Variants in EMC3 observed in about 807,000 individuals in gnomAD.
EMC3 encodes the protein ER membrane protein complex subunit 3.
In EMC3, 13 loss-of-function variants were observed where a neutral mutation model predicts 36.6. The ratio of observed to expected loss-of-function variants is 0.35; its 90% confidence interval spans 0.23 to 0.56. The LOEUF (loss-of-function observed/expected upper bound fraction) is 0.56. Ranked by LOEUF, EMC3 falls within the 20% of genes least tolerant of loss-of-function variation. EMC3 has a pLI of 0.84. For synonymous variants in EMC3, 120 were observed against 111.9 expected, an observed-to-expected ratio of 1.07 and a Z score of -0.46; for missense variants, 220 against 324.5, an observed-to-expected ratio of 0.68 and a Z score of 2.47.
At chr3:9,981,767 G>A (rs1300814351) in intron 1 of EMC3, 1 of 443,352 alleles carries the variant, frequency 2.3e-6, no homozygotes, top group Non-Finnish European at 4.5e-6. Context: ...AAACTTTAAA[G>A]TCAGTACTTC....
chr3:9,966,874 A>G (rs1005696029), intron 7 of EMC3, among the ~76,000 whole-genome samples: 1 of 152,168 alleles, frequency 6.6e-6, no homozygotes, highest in African/African-American at 2.4e-5. Flanking sequence ...GCGCCCAGCC[A>G]AATTTTTATT....
At chr3:9,994,857 C>T (rs2086103988) in intron 1 of EMC3, among the ~76,000 whole-genome samples, 1 of 152,098 alleles carries the variant, frequency 6.6e-6, no homozygotes, top group Non-Finnish European at 1.5e-5. Flanking sequence ...CAGGCATGAG[C>T]CACCGTGCCT....
chr3:9,969,753 A>G lies in EMC3; in HGVS notation c.623T>C (p.Met208Thr). The G allele has an allele frequency of 6.2e-7, 1 of 1,614,024 alleles. No individual in the cohort carries two copies. ...MMQEQMTGAA[M>T]AMPADTNKAF... ...TTTGTTTGTGTCTGCGGGCATGGCC[A>G]TGGCTGCTCCCGTCATCTGCTCCTG... is the stretch of plus-strand genomic sequence containing the variant. The change falls in exon 7 of 8, where the codon ATG (methionine) becomes ACG (threonine). Residue 208 changes from methionine (M) to threonine (T), a missense_variant. Met to Thr is a moderately conservative substitution (Grantham distance 81, BLOSUM62 -1). This residue lies in a region of EMC3 where 56 missense variants were observed against 117.0 expected (regional missense o/e 0.48). Transcript: ENST00000245046.
rs61596273 is a variant in EMC3 at position 9,963,477 on chromosome 3, A to ATATATTTTTTT, written c.*591_*592insAAAAAAATATA. On this transcript the variant is annotated 3_prime_UTR_variant, in exon 8 of 8. Coordinates refer to ENST00000245046, the MANE Select transcript of EMC3 (RefSeq NM_001394674.1). ...TAGATATATATATATATATATATAT[A>ATATATTTTTTT]TTTTTTTTTTTTTTTCAGATGGAGT... 12 of 88,908 alleles carry ATATATTTTTTT rather than the reference A, an allele frequency of 1.3e-4. No homozygotes were observed. The highest frequency in any genetic ancestry group is 1.9e-4 in the Non-Finnish European group (9 of 46,258). 5.5% of individuals were successfully genotyped at this position (88,908 alleles called of 1,614,324 possible).
rs2086107173 is a variant in EMC3, at chr3:9,995,098, T to G, written c.-241-8196A>C. On this transcript the variant is annotated intron_variant, in intron 1 of 8. Coordinates refer to the EMC3 transcript ENST00000470827. ...TGCAGCTGACATGAGGTAGCTGTTG[T>G]AATTGAGAATTCTGTTATGACTTAT... is the stretch of plus-strand genomic sequence containing the variant. Among the ~76,000 whole-genome samples the G allele has an allele frequency of 8.0e-5, 12 of 150,622 alleles. No homozygotes were observed. In the South Asian group the frequency reaches 2.5e-3, roughly 32 times the overall value.
In EMC3 at chr3:9,964,112, A is replaced by C. The variant is rs1485541088; in HGVS notation, c.743T>G (p.Phe248Cys). 6.2e-7 allele frequency: 1 copy of C among 1,614,196 alleles called. No individual in the cohort carries two copies. The highest frequency in any genetic ancestry group is 1.7e-5 in the Admixed American group (1 of 60,020). The change falls in exon 8 of 8, where the codon TTC (phenylalanine) becomes TGC (cysteine). Residue 248 changes from phenylalanine to cysteine, a missense_variant. Physicochemically the swap from Phe to Cys is radical, Grantham distance 205. Around this residue, in one of 3 missense-constraint regions of EMC3, gnomAD observed 37 missense variants for 32.9 expected, o/e 1.13. Transcript: ENST00000245046. ...EEELMAKDLH[F>C]EGMFKKELQT... The stretch of plus-strand genomic sequence containing the variant: ...TAATTCCTTTTTGAACATGCCTTCG[A>C]AGTGGAGGTCTTTGGCCATGAGCTC...
intron 1 of EMC3, chr3:10,007,438 G>A (rs761582258): frequency 2.9e-6 from 4 of 1,367,484 alleles, no homozygotes; most frequent in East Asian, 9.1e-5. Flanking sequence ...TGCCTTAGGG[G>A]GCCACTTGTT....
At chr3:9,970,727 C>T (rs762667792) in intron 5 of EMC3, 66 bp from the exon 6 acceptor site, 17 of 1,512,356 alleles carry the variant, frequency 1.1e-5, no homozygotes, top group Non-Finnish European at 1.6e-5. Flanking sequence ...GTTCCCACTT[C>T]CCTACCACCC....
At chr3:9,980,164 C>A (rs995182099) in intron 1 of EMC3, among the ~76,000 whole-genome samples, 3 of 151,966 alleles carry the variant, frequency 2.0e-5, no homozygotes, top group African/African-American at 7.3e-5. Flanking sequence ...CAGGCGCGCA[C>A]CACCATGCCC....
chr3:9,980,105 A>C (rs1396982058), intron 1 of EMC3, among the ~76,000 whole-genome samples: 6 of 149,616 alleles, frequency 4.0e-5, no homozygotes, highest in Admixed American at 2.0e-4. Context: ...CCTCTGCCTC[A>C]CGAGTTCAAG....
chr3:9,971,004 C>T (rs927954917), intron 5 of EMC3, among the ~76,000 whole-genome samples: 1 of 151,730 alleles, frequency 6.6e-6, no homozygotes, highest in Non-Finnish European at 1.5e-5. Flanking sequence ...CTCACTGCAA[C>T]CTCTGCCACC....
intron 1 of EMC3, chr3:9,994,290 T>C (rs955695766): frequency 1.9e-6 from 2 of 1,051,096 alleles, no homozygotes; most frequent in Middle Eastern, 2.7e-4. Context: ...ATACAAATAA[T>C]GTGTTTATGT....
chr3:10,001,841 C>CA (rs1232591508), intron 1 of EMC3, among the ~76,000 whole-genome samples: 2 of 150,206 alleles, frequency 1.3e-5, no homozygotes, highest in East Asian at 4.0e-4. Flanking sequence ...ACTGAAAATA[C>CA]AAAAAAAGTT....
chr3:10,009,052 G>A (rs989248573), intron 1 of EMC3: 2 of 152,616 alleles, frequency 1.3e-5, no homozygotes, highest in African/African-American at 4.8e-5. Flanking sequence ...GTCCAATCTT[G>A]GGGATCCTGA....
rs771609062 is a variant in EMC3, at chr3:9,977,427, T to C, written c.175A>G (p.Arg59Gly). 1 of 1,612,784 alleles carries C rather than the reference T, an allele frequency of 6.2e-7. No individual in the cohort carries two copies. The highest frequency in any genetic ancestry group is 8.5e-7 in the Non-Finnish European group (1 of 1,179,684). ...TATTTTCCATTTTCCCTGAGGACTCTGCTTCGAATTAGGACTTGACTGAAA... is the reference window on the plus strand; with the variant it reads ...TATTTTCCATTTTCCCTGAGGACTCCGCTTCGAATTAGGACTTGACTGAAA... ...VSDSQVLIRSRVLRENGKYIP... is the reference protein window; with the variant it reads ...VSDSQVLIRSGVLRENGKYIP... The change falls in exon 2 of 8, where the codon AGA becomes GGA. Residue 59 changes from arginine to glycine, a missense_variant. By Grantham distance (125) the Arg-to-Gly change is moderately radical. Transcript: ENST00000245046.
At chr3:9,997,208 TA>T (rs1220222322) in intron 1 of EMC3, among the ~76,000 whole-genome samples, 8 of 152,188 alleles carry the variant, frequency 5.3e-5, no homozygotes, top group Admixed American at 4.6e-4. Context: ...TTATTTCACT[TA>T]GCATATTATT....
chr3:9,981,692 C>T (rs1277693037), intron 1 of EMC3: 3 of 407,926 alleles, frequency 7.4e-6, no homozygotes, highest in South Asian at 1.7e-5. Context: ...ATCTCAGCCC[C>T]CCAAAGTGCT....
At chr3:9,977,139 CT>C in intron 2 of EMC3, 89 bp from the exon 3 acceptor site, 1 of 1,063,174 alleles carries the variant, frequency 9.4e-7, no homozygotes, top group Non-Finnish European at 1.4e-6. Context: ...GTCAGAAGGC[CT>C]TTAGGATATG....
At chr3:9,987,372 C>G (rs1031475182), upstream of EMC3, 2 of 898,884 alleles carry the variant, frequency 2.2e-6, no homozygotes, top group African/African-American at 1.8e-5. Flanking sequence ...CTCCGCGCCC[C>G]AAGCCTCGGC....
Sources: gnomAD v4.1 joint callset for allele counts (sites outside exome capture counted in the v4.1 genomes callset) on GRCh38, gnomAD v4.1.1 for gene constraint, gnomAD v4.1.1 regional missense constraint, MANE v1.5 for transcripts, NCBI Gene and HGNC (gene_info 2026-07-23, HGNC 2026-07-21) for gene names.